SLC9C1: variants seen among roughly 807,000 people sequenced by gnomAD.
SLC9C1 encodes sodium/hydrogen exchanger 10.
SLC9C1 carries 97 observed loss-of-function variants against 140.9 expected under a neutral mutation model. The observed-to-expected ratio is 0.69, with a 90% confidence interval of 0.58 to 0.82. The LOEUF (loss-of-function observed/expected upper bound fraction) is 0.82, where lower values mean the gene tolerates loss of function less well. Ranked by LOEUF, SLC9C1 falls within the 40% of genes least tolerant of loss-of-function variation. SLC9C1 has a pLI of 0.00. For synonymous variants in SLC9C1, 440 were observed against 442.6 expected, an observed-to-expected ratio of 0.99 and a Z score of 0.07; for missense variants, 1,340 against 1,389.3, an observed-to-expected ratio of 0.96 and a Z score of 0.56.
At chr3:112,160,244 T>A (rs1443628783) in intron 26 of SLC9C1, among the ~76,000 whole-genome samples, 4 of 151,050 alleles carry the variant, frequency 2.6e-5, no homozygotes, top group African/African-American at 9.7e-5. Context: ...TATTTTTTAT[T>A]TTTATTTATT....
intron 16 of SLC9C1, among the ~76,000 whole-genome samples, chr3:112,204,715 GGGTGTTTTAATT>G (rs937574363): frequency 6.6e-6 from 1 of 152,060 alleles, no homozygotes; most frequent in African/African-American, 2.4e-5. Context: ...TAGTACGCCA[GGGTGTTTTAATT>G]TAAAACAAGT....
Position 112,189,839 on chromosome 3 carries a change from A to G in SLC9C1, c.2524-7581T>C, listed in dbSNP as rs368299666. ...TACCTTGGGCAGTATGGCCATTTTC[A>G]TGATATTGATTCTTTCTATCCATGA... On this transcript the variant is annotated intron_variant, in intron 20 of 28. Transcript: ENST00000305815. Among the ~76,000 whole-genome samples the G allele has an allele frequency of 1.2e-4, 19 of 152,230 alleles. No individual in the cohort carries two copies. In the East Asian group the frequency reaches 1.3e-3, roughly 11 times the overall value.
At chr3:112,141,437 A>C (rs2074618472) in intron 28 of SLC9C1, among the ~76,000 whole-genome samples, 156 bp from the exon 29 acceptor site, 2 of 152,204 alleles carry the variant, frequency 1.3e-5, no homozygotes, top group Non-Finnish European at 2.9e-5. Context: ...AAATTGAGCA[A>C]GTGAGTGTGA....
At chr3:112,182,044 A>T in intron 21 of SLC9C1, 89 bp downstream of exon 21, 2 of 1,032,248 alleles carry the variant, frequency 1.9e-6, no homozygotes, top group Non-Finnish European at 1.3e-6. Context: ...AGAGAATATT[A>T]AACTAGAGAG....
At chr3:112,149,435 C>T (rs2074895395) in intron 28 of SLC9C1, among the ~76,000 whole-genome samples, 1 of 151,996 alleles carries the variant, frequency 6.6e-6, no homozygotes. Context: ...ATCCAAATGC[C>T]TGGAGATCTG....
chr3:112,176,629 A>C (rs2077341995), intron 23 of SLC9C1, among the ~76,000 whole-genome samples: 1 of 152,096 alleles, frequency 6.6e-6, no homozygotes. Flanking sequence ...AACACTACAG[A>C]GATTCTAGAT....
In SLC9C1 at chr3:112,204,340, A is replaced by C. The variant is rs755464302; in HGVS notation, c.2050T>G (p.Leu684Val). 11 of 1,573,890 alleles carry C rather than the reference A, an allele frequency of 7.0e-6. No homozygotes were observed. Among genetic ancestry groups the C allele is most frequent in the Middle Eastern group, 1.7e-4 (1 of 5,976 alleles). ...AGTATTACATGTAAGATGCCAATTAATGTAATTGCTAACTCGAATATGTTC... is the reference window on the plus strand; with the variant it reads ...AGTATTACATGTAAGATGCCAATTACTGTAATTGCTAACTCGAATATGTTC... ...AWNIFELAITLIGILHVILIE... is the reference protein window; with the variant it reads ...AWNIFELAITVIGILHVILIE... The change falls in exon 17 of 29, where the codon TTA becomes GTA. Residue 684 changes from leucine to valine, a missense_variant. Physicochemically the swap from Leu to Val is conservative, Grantham distance 32. Transcript: ENST00000305815.
chr3:112,253,253 CTGT>C (rs2079513628), intron 10 of SLC9C1, among the ~76,000 whole-genome samples: 1 of 152,174 alleles, frequency 6.6e-6, no homozygotes, highest in African/African-American at 2.4e-5. Context: ...GTCATTTCCA[CTGT>C]TGCCGCCAAG....
Position 112,141,152 on chromosome 3 carries a change from G to C in SLC9C1, c.*120C>G. On this transcript the variant is annotated 3_prime_UTR_variant, in exon 29 of 29. Transcript: ENST00000305815. ...AAATTTCTTTTCTGCTTAGCACCAA[G>C]ATCATCCACACAGGATCCAACCTGA... 9.3e-7 allele frequency: 1 copy of C among 1,075,800 alleles called. No homozygotes were observed. Among genetic ancestry groups the C allele is most frequent in the Non-Finnish European group, 1.3e-6 (1 of 796,694 alleles). 66.6% of individuals were successfully genotyped at this position (1,075,800 alleles called of 1,614,324 possible). A position where few individuals can be genotyped will look rare whatever the true frequency, so the allele number is the denominator to read the frequency against.
At chr3:112,280,048 A>G (rs2080317511) in intron 3 of SLC9C1, among the ~76,000 whole-genome samples, 1 of 152,214 alleles carries the variant, frequency 6.6e-6, no homozygotes. Context: ...AAACCTGTTT[A>G]TGACATGTAA....
chr3:112,208,552 T>C (rs539574107), intron 15 of SLC9C1, among the ~76,000 whole-genome samples, 179 bp from the exon 16 acceptor site: 26 of 152,160 alleles, frequency 1.7e-4, no homozygotes, highest in Non-Finnish European at 3.1e-4. Context: ...TTTAATTTCT[T>C]CCACTGATCC....
intron 20 of SLC9C1, among the ~76,000 whole-genome samples, chr3:112,198,810 G>T (rs1014281521): frequency 6.6e-6 from 1 of 151,354 alleles, no homozygotes; most frequent in Non-Finnish European, 1.5e-5. Context: ...AGTATAACAG[G>T]TTTATGCTTT....
chr3:112,204,148 C>T (rs2108045039), intron 17 of SLC9C1, 70 bp downstream of exon 17: 1 of 1,335,318 alleles, frequency 7.5e-7, no homozygotes, highest in East Asian at 3.0e-5. Context: ...AACTAGTAAA[C>T]TAATTTTACT....
In SLC9C1 at chr3:112,204,333, C is replaced by A; in HGVS notation, c.2057G>T (p.Gly686Val). 1.3e-6 allele frequency: 2 copies of A among 1,572,284 alleles called. No individual in the cohort carries two copies. Among genetic ancestry groups the A allele is most frequent in the Non-Finnish European group, 1.7e-6 (2 of 1,165,280 alleles). ...NIFELAITLI[G>V]ILHVILIEID... Reference sequence around the variant, plus strand: ...TTCAATAAGTATTACATGTAAGATGCCAATTAATGTAATTGCTAACTCGAA... The same window carrying A: ...TTCAATAAGTATTACATGTAAGATGACAATTAATGTAATTGCTAACTCGAA... Residue 686 changes from glycine to valine, a missense_variant, in exon 17 of 29, where the codon GGC (glycine) becomes GTC (valine). Transcript: ENST00000305815.
intron 21 of SLC9C1, 100 bp from the exon 22 acceptor site, chr3:112,180,762 G>C: frequency 1.1e-6 from 1 of 941,488 alleles, no homozygotes; most frequent in South Asian, 1.5e-5. Context: ...TTGAGACGGA[G>C]TCTCGCTCTG....
intron 28 of SLC9C1, among the ~76,000 whole-genome samples, chr3:112,141,835 T>C (rs2074633990): frequency 6.6e-6 from 1 of 152,186 alleles, no homozygotes; most frequent in Non-Finnish European, 1.5e-5. Flanking sequence ...AAATAACTTG[T>C]ATTGATCTTT....
chr3:112,268,333 C>T (rs1322072575), intron 7 of SLC9C1, among the ~76,000 whole-genome samples: 6 of 152,142 alleles, frequency 3.9e-5, no homozygotes, highest in Non-Finnish European at 8.8e-5. Context: ...ATCCTCTGGT[C>T]TGCCTTTTCC....
At chr3:112,292,132 G>A (rs563267257) in intron 1 of SLC9C1, among the ~76,000 whole-genome samples, 5 of 152,312 alleles carry the variant, frequency 3.3e-5, no homozygotes, top group African/African-American at 1.2e-4. Flanking sequence ...GGTGGGAGGA[G>A]AGAGAGGATC....
chr3:112,280,305 TATA>T (rs2080322542), intron 3 of SLC9C1, among the ~76,000 whole-genome samples: 1 of 152,232 alleles, frequency 6.6e-6, no homozygotes, highest in South Asian at 2.1e-4. Flanking sequence ...AGTTCAATAT[TATA>T]ATATTTTTGC....
Sources: gnomAD v4.1 joint callset for allele counts (sites outside exome capture counted in the v4.1 genomes callset) on GRCh38, gnomAD v4.1.1 for gene constraint, MANE v1.5 for transcripts, NCBI Gene and HGNC (gene_info 2026-07-23, HGNC 2026-07-21) for gene names.